Variants in NEGR1 observed in about 807,000 individuals in gnomAD.
NEGR1 encodes the protein neuronal growth regulator 1.
A neutral mutation model predicts 40.9 loss-of-function variants in NEGR1; 10 were observed. That is an observed-to-expected ratio of 0.24 (90% CI 0.15 to 0.42). The LOEUF (loss-of-function observed/expected upper bound fraction) is 0.42, where lower values mean the gene tolerates loss of function less well. NEGR1 is among the 10% of genes least tolerant of loss of function. NEGR1 has a pLI of 1.00. For synonymous variants in NEGR1, 185 were observed against 166.8 expected (o/e 1.11, Z -0.84); for missense variants, 352 against 438.9 (o/e 0.80, Z 1.77).
chr1:72,243,225 T>C (rs1654804402), intron 1 of NEGR1, among the ~76,000 whole-genome samples: 1 of 151,760 alleles, frequency 6.6e-6, no homozygotes, highest in African/African-American at 2.4e-5. Flanking sequence ...TCATCTCAAT[T>C]AAAATCACTG....
chr1:71,587,764 A>G (rs1649356617), intron 6 of NEGR1, among the ~76,000 whole-genome samples: 1 of 152,018 alleles, frequency 6.6e-6, no homozygotes, highest in Admixed American at 6.6e-5. Context: ...ATTTTTAGGT[A>G]CACCTGAGAT....
chr1:72,000,393 T>C (rs1403283168), intron 1 of NEGR1, among the ~76,000 whole-genome samples: 1 of 152,066 alleles, frequency 6.6e-6, no homozygotes, highest in Non-Finnish European at 1.5e-5. Flanking sequence ...ATACTCATTT[T>C]ACAAATGAGG....
chr1:71,794,412 A>G (rs1657240698), intron 2 of NEGR1: 1 of 152,212 alleles, frequency 6.6e-6, no homozygotes, highest in African/African-American at 2.4e-5. Flanking sequence ...AGCCTAGAAT[A>G]AAACTGGCAC....
intron 1 of NEGR1, among the ~76,000 whole-genome samples, chr1:72,145,847 T>A (rs1204486391): frequency 6.6e-6 from 1 of 152,190 alleles, no homozygotes; most frequent in Non-Finnish European, 1.5e-5. Flanking sequence ...TCTTGGTGAT[T>A]GACACTCCAA....
chr1:72,270,130 G>C (rs1655794053), intron 1 of NEGR1, among the ~76,000 whole-genome samples: 1 of 151,784 alleles, frequency 6.6e-6, no homozygotes, highest in Non-Finnish European at 1.5e-5. Flanking sequence ...TGTTCCACCT[G>C]GGTCAAGTTA....
At chr1:71,743,407 GTT>G in intron 3 of NEGR1, among the ~76,000 whole-genome samples, 1 of 143,508 alleles carries the variant, frequency 7.0e-6, no homozygotes, top group East Asian at 2.0e-4. Context: ...GCTGTCATTG[GTT>G]TTTTTTTTTT....
chr1:71,652,678 C>T (rs1651756847), intron 4 of NEGR1, among the ~76,000 whole-genome samples: 1 of 152,048 alleles, frequency 6.6e-6, no homozygotes, highest in Admixed American at 6.6e-5. Flanking sequence ...CCAGCCTGGA[C>T]AACATGGTGA....
chr1:71,422,310 A>G (rs1358162203), intron 6 of NEGR1, among the ~76,000 whole-genome samples: 1 of 152,236 alleles, frequency 6.6e-6, no homozygotes, highest in Non-Finnish European at 1.5e-5. Context: ...AATGTCTGAT[A>G]CACAATGGCA....
chr1:71,791,364 A>C (rs546704426), intron 2 of NEGR1, among the ~76,000 whole-genome samples: 1 of 152,070 alleles, frequency 6.6e-6, no homozygotes, highest in African/African-American at 2.4e-5. Flanking sequence ...TATTGAATCT[A>C]TATGGTAGAA....
chr1:72,093,952 C>G (rs992254923), intron 1 of NEGR1, among the ~76,000 whole-genome samples: 1 of 152,112 alleles, frequency 6.6e-6, no homozygotes, highest in African/African-American at 2.4e-5. Flanking sequence ...AATTGAACAG[C>G]ATAATACATT....
chr1:71,793,036 G>T (rs181190102), intron 2 of NEGR1, among the ~76,000 whole-genome samples: 14 of 151,032 alleles, frequency 9.3e-5, no homozygotes, highest in African/African-American at 3.4e-4. Context: ...TCCAGGATTG[G>T]CTCACATAAA....
chr1:72,132,329 A>C (rs917515599), intron 1 of NEGR1, among the ~76,000 whole-genome samples: 2 of 152,160 alleles, frequency 1.3e-5, no homozygotes, highest in African/African-American at 4.8e-5. Flanking sequence ...TTAGAAGAAG[A>C]AAACCTGAGG....
chr1:71,818,690 A>G (rs1013151131), intron 2 of NEGR1, among the ~76,000 whole-genome samples: 1 of 151,992 alleles, frequency 6.6e-6, no homozygotes, highest in Non-Finnish European at 1.5e-5. Context: ...AAAATAAAAC[A>G]AAAGCTAAAA....
rs370432270 is a variant in NEGR1 at position 71,716,933 on chromosome 1, TG to T, written c.536-18795del. 1.3e-3 allele frequency among the ~76,000 whole-genome samples: 205 copies of T among 152,298 alleles called. 1 individual carries two copies. Among genetic ancestry groups the T allele is most frequent in the African/African-American group, 4.7e-3 (194 of 41,576 alleles). On this transcript the variant is annotated intron_variant, in intron 3 of 6. Transcript: ENST00000357731. ...TGAAATAACATATTATTTATTAAAC[TG>T]GGGAAGAACTGCCTCCCCCCACCAT...
At chr1:71,553,606 C>T (rs1000904201) in intron 6 of NEGR1, among the ~76,000 whole-genome samples, 1 of 151,486 alleles carries the variant, frequency 6.6e-6, no homozygotes, top group African/African-American at 2.4e-5. Flanking sequence ...TAATTCACAG[C>T]TGAGAAATGA....
At chr1:71,835,451 T>A (rs1200978730) in intron 2 of NEGR1, among the ~76,000 whole-genome samples, 1 of 152,150 alleles carries the variant, frequency 6.6e-6, no homozygotes, top group Non-Finnish European at 1.5e-5. Context: ...ATAAATCAGA[T>A]TTTTTGTTAT....
At chr1:72,187,939 T>C (rs1201589534) in intron 1 of NEGR1, among the ~76,000 whole-genome samples, 1 of 151,478 alleles carries the variant, frequency 6.6e-6, no homozygotes, top group African/African-American at 2.4e-5. Context: ...AACTTACATG[T>C]ATGATTCATG....
chr1:71,929,773 G>T (rs1645837803), intron 2 of NEGR1, among the ~76,000 whole-genome samples: 1 of 151,412 alleles, frequency 6.6e-6, no homozygotes, highest in African/African-American at 2.4e-5. Context: ...GGAAAAGCAG[G>T]CCCATGTCCT....
intron 1 of NEGR1, among the ~76,000 whole-genome samples, chr1:72,190,498 ATTTAAT>A (rs1428015621): frequency 1.3e-5 from 2 of 151,640 alleles, no homozygotes; most frequent in African/African-American, 4.8e-5. Flanking sequence ...GAATGGAGAT[ATTTAAT>A]TTTAATGTTC....
Sources: gnomAD v4.1 joint callset for allele counts (sites outside exome capture counted in the v4.1 genomes callset) on GRCh38, gnomAD v4.1.1 for gene constraint, MANE v1.5 for transcripts, NCBI Gene and HGNC (gene_info 2026-07-23, HGNC 2026-07-21) for gene names.